Variants in LRP1 observed in about 807,000 individuals in gnomAD.
LRP1 encodes the protein prolow-density lipoprotein receptor-related protein 1.
A neutral mutation model predicts 541.5 loss-of-function variants in LRP1; 51 were observed. The ratio of observed to expected loss-of-function variants is 0.09; its 90% CI spans 0.08 to 0.12. LRP1 has a LOEUF of 0.12. Ranked by LOEUF, LRP1 falls within the 10% of genes least tolerant of loss-of-function variation. LRP1 has a pLI of 1.00. For missense variants in LRP1, 3,878 were observed against 6,376.2 expected (o/e 0.61, Z 13.34); for synonymous variants, 2,219 against 2,470.8 (o/e 0.90, Z 3.02).
intron 2 of LRP1, among the ~76,000 whole-genome samples, chr12:57,139,767 C>T (rs1197350136): frequency 1.3e-5 from 2 of 152,200 alleles, no homozygotes; most frequent in East Asian, 3.9e-4. Flanking sequence ...CAGAAACACA[C>T]TCTATACTCA....
At chr12:57,144,722 C>T (rs1407715055) in intron 4 of LRP1, 4 of 528,478 alleles carry the variant, frequency 7.6e-6, no homozygotes, top group Admixed American at 3.2e-5. Flanking sequence ...TGGCACCTGA[C>T]CCATAGTAGG....
chr12:57,175,856 G>T, intron 23 of LRP1, 53 bp from the exon 24 acceptor site: 2 of 1,598,538 alleles, frequency 1.3e-6, no homozygotes, highest in South Asian at 1.1e-5. Context: ...CAGGACGGGT[G>T]GCACACAGGC....
Position 57,143,775 on chromosome 12 carries a change from AGGCAGATGG to A in LRP1, c.426_434del (p.Gln142_Gly145delinsHis). 1 of 1,614,054 alleles carries A rather than the reference AGGCAGATGG, an allele frequency of 6.2e-7. No homozygotes were observed. The highest frequency in any genetic ancestry group is 8.5e-7 in the Non-Finnish European group (1 of 1,179,926). On this transcript the variant is annotated inframe_deletion, in exon 4 of 89. Transcript: ENST00000243077. The stretch of plus-strand genomic sequence containing the variant: ...TACTGCAACAGCAGCTTTCAGCTTC[AGGCAGATGG>A]CAAGACCTGCAAAGGTATGTGAGTG...
In LRP1 at chr12:57,161,085, G is replaced by C. The variant is rs776447046; in HGVS notation, c.2172G>C (p.Glu724Asp). 2 of 1,613,640 alleles carry C rather than the reference G, an allele frequency of 1.2e-6. No individual in the cohort carries two copies. The change falls in exon 13 of 89, where the codon GAG becomes GAC. Residue 724 changes from glutamate to aspartate, a missense_variant. Glu to Asp is a conservative substitution (Grantham distance 45, BLOSUM62 2). Transcript: ENST00000243077. ...TGGATGCCTTCTACGACCGCATCGA[G>C]ACGATACTGCTCAATGGCACAGACC... ...YWVDAFYDRI[E>D]TILLNGTDRK...
In LRP1 at chr12:57,191,395, G is replaced by A; in HGVS notation, c.7312G>A (p.Val2438Met). The A allele has an allele frequency of 6.2e-7, 1 of 1,613,414 alleles. No homozygotes were observed. The highest frequency in any genetic ancestry group is 1.7e-5 in the Admixed American group (1 of 59,976). Reference sequence around the variant, plus strand: ...GGAGCACATTTTCTGGACTGACTGGGTGCGGCGGGCAGTGCAGCGGGCCAA... The same window carrying A: ...GGAGCACATTTTCTGGACTGACTGGATGCGGCGGGCAGTGCAGCGGGCCAA... The part of the protein sequence containing the change: ...YGEHIFWTDW[V>M]RRAVQRANKH... The change falls in exon 44 of 89, where the codon GTG becomes ATG. Residue 2438 changes from valine to methionine, a missense_variant. By Grantham distance (21) the Val-to-Met change is conservative. Transcript: ENST00000243077.
chr12:57,202,551 C>A lies in LRP1; in HGVS notation c.10711+14C>A. On this transcript the variant is annotated intron_variant, in intron 68 of 88. Coordinates refer to ENST00000243077, the MANE Select transcript of LRP1 (RefSeq NM_002332.3). ...AAGAGAGCTGCAGTACGTCCCCACCCACCCAGCCCCGCATGAGCCCCTCCC... is the reference window on the plus strand; with the variant it reads ...AAGAGAGCTGCAGTACGTCCCCACCAACCCAGCCCCGCATGAGCCCCTCCC... The A allele has an allele frequency of 5.2e-6, 8 of 1,532,436 alleles. No individual in the cohort carries two copies. The highest frequency in any genetic ancestry group is 1.9e-4 in the Middle Eastern group (1 of 5,190). 94.9% of individuals were successfully genotyped at this position (1,532,436 alleles called of 1,614,324 possible).
Position 57,198,308 on chromosome 12 carries a change from T to G in LRP1, c.9435T>G (p.Arg3145=), listed in dbSNP as rs1197080397. The G allele has an allele frequency of 1.2e-6, 2 of 1,613,822 alleles. No individual in the cohort carries two copies. Among genetic ancestry groups the G allele is most frequent in the Admixed American group, 3.3e-5 (2 of 59,996 alleles). ...CGGTGCTGGTCAGCTCTGGCCTCCG[T>G]GAGCCCAGGGCTCTGGTGGTGGATG... The part of the protein sequence containing the change: ...YRTVLVSSGL[R]EPRALVVDVQ... Residue 3145 remains arginine, a synonymous_variant, in exon 59 of 89, where the codon CGT becomes CGG. Transcript: ENST00000243077.
chr12:57,184,914 G>A lies in LRP1; in HGVS notation c.6262G>A (p.Glu2088Lys), dbSNP rs1555185514. The A allele has an allele frequency of 5.0e-6, 8 of 1,614,106 alleles. No individual in the cohort carries two copies. Among genetic ancestry groups the A allele is most frequent in the Non-Finnish European group, 6.8e-6 (8 of 1,179,954 alleles). Residue 2088 changes from glutamate (E) to lysine (K), a missense_variant, in exon 39 of 89, where the codon GAG (glutamate) becomes AAG (lysine). Around this residue, in one of 13 missense-constraint regions of LRP1, gnomAD observed 1,100 missense variants for 1,827.4 expected, o/e 0.60. Transcript: ENST00000243077. The surrounding 1 kb of genome is among the most constrained non-coding windows in gnomAD (Gnocchi z 7.8). ...RIDLETGENR[E>K]VVLSSNNMDM... ...CGACCTGGAGACAGGTGAGAACCGC[G>A]AGGTGGTTCTGTCCAGCAACAACAT...
At position 57,209,809 on chromosome 12, in the gene LRP1, C is replaced by T. The variant is rs753301095; in HGVS notation, c.12380C>T (p.Thr4127Ile). The change falls in exon 80 of 89, where the codon ACA becomes ATA. Residue 4127 changes from threonine (T) to isoleucine (I), a missense_variant. Transcript: ENST00000243077. ...KFGHSPLVNL[T>I]GGLSHASDVV... ...GGCCACAGCCCCTTGGTCAACCTGA[C>T]AGGGGGCCTGAGCCACGCCTCTGAC... The T allele has an allele frequency of 4.3e-6, 7 of 1,614,124 alleles. No homozygotes were observed. Among genetic ancestry groups the T allele is most frequent in the Non-Finnish European group, 5.9e-6 (7 of 1,180,048 alleles).
intron 77 of LRP1, chr12:57,208,449 G>C: frequency 1.7e-6 from 1 of 600,500 alleles, no homozygotes; most frequent in East Asian, 2.8e-5. Flanking sequence ...TGCTTGGCCG[G>C]CTGTCATGCA....
chr12:57,178,087 T>A lies in LRP1; in HGVS notation c.4362-272T>A, dbSNP rs1478521978. ...CTTTTTCTGACTTTCATCAAAGCCC[T>A]GAGTGCTGACAGCAGCCCTGGGGAG... On this transcript the variant is annotated intron_variant, in intron 26 of 88. Coordinates refer to ENST00000243077, the MANE Select transcript of LRP1 (RefSeq NM_002332.3). The surrounding 1 kb of genome is among the most constrained non-coding windows in gnomAD (Gnocchi z 5.8). 6.6e-6 allele frequency among the ~76,000 whole-genome samples: 1 copy of A among 151,998 alleles called. No individual in the cohort carries two copies. Among genetic ancestry groups the A allele is most frequent in the African/African-American group, 2.4e-5 (1 of 41,374 alleles).
intron 1 of LRP1, among the ~76,000 whole-genome samples, chr12:57,137,269 G>A (rs1033296294): frequency 1.3e-5 from 2 of 149,924 alleles, no homozygotes; most frequent in Admixed American, 6.6e-5. Context: ...AACAGAGTTA[G>A]TTGTCACCAT....
At chr12:57,150,318 A>G (rs1239935331) in intron 6 of LRP1, among the ~76,000 whole-genome samples, 1 of 150,052 alleles carries the variant, frequency 6.7e-6, no homozygotes, top group East Asian at 2.0e-4. Context: ...CAGGCTCCCG[A>G]GTAGCTAGGA....
Position 57,181,274 on chromosome 12 carries a change from G to A in LRP1, c.5645G>A (p.Gly1882Asp). Reference protein sequence around the residue: ...MCTAGYSLRSGQQACEGVGSF... With the variant: ...MCTAGYSLRSDQQACEGVGSF... The stretch of plus-strand genomic sequence containing the variant: ...ACAGCCGGCTATAGCCTCCGGAGTG[G>A]CCAGCAGGCCTGCGAGGGTCAGTGC... Residue 1882 changes from glycine (G) to aspartate (D), a missense_variant, in exon 34 of 89, where the codon GGC (glycine) becomes GAC (aspartate). By Grantham distance (94) the Gly-to-Asp change is moderately conservative. Coordinates refer to ENST00000243077, the MANE Select transcript of LRP1 (RefSeq NM_002332.3). 1.2e-6 allele frequency: 2 copies of A among 1,612,764 alleles called. No homozygotes were observed. Among genetic ancestry groups the A allele is most frequent in the Non-Finnish European group, 1.7e-6 (2 of 1,179,806 alleles).
chr12:57,199,254 T>C lies in LRP1; in HGVS notation c.9719T>C (p.Phe3240Ser). ...CCGCACATCTTTGCACTGACCCTGTTTGAGGACTACGTCTACTGGACCGAC... is the reference window on the plus strand; with the variant it reads ...CCGCACATCTTTGCACTGACCCTGTCTGAGGACTACGTCTACTGGACCGAC... ...DIPHIFALTLFEDYVYWTDWE... is the reference protein window; with the variant it reads ...DIPHIFALTLSEDYVYWTDWE... Residue 3240 changes from phenylalanine (F) to serine (S), a missense_variant, in exon 61 of 89, where the codon TTT (phenylalanine) becomes TCT (serine). By Grantham distance (155) the Phe-to-Ser change is radical (BLOSUM62 -2). Transcript: ENST00000243077. 1 of 1,613,956 alleles carries C rather than the reference T, an allele frequency of 6.2e-7. No homozygotes were observed.
chr12:57,159,997 A>C lies in LRP1; in HGVS notation c.1971A>C (p.Pro657=), dbSNP rs1207104011. 1 of 1,613,952 alleles carries C rather than the reference A, an allele frequency of 6.2e-7. No individual in the cohort carries two copies. The highest frequency in any genetic ancestry group is 8.5e-7 in the Non-Finnish European group (1 of 1,179,950). Residue 657 remains proline, a synonymous_variant, in exon 12 of 89, where the codon CCA becomes CCC. Transcript: ENST00000243077. The part of the protein sequence containing the change: ...MTHPRAIVVD[P]LNGWMYWTDW... ...ACCCCAGGGCTATTGTGGTGGATCC[A>C]CTCAATGGGTGAGTCCTCCCAGGCC...
rs781246772 is a variant in LRP1 at position 57,203,418 on chromosome 12, C to T, written c.10848C>T (p.Asp3616=). Residue 3616 remains aspartate (D), a synonymous_variant, in exon 70 of 89, where the codon GAC becomes GAT. Coordinates refer to ENST00000243077, the MANE Select transcript of LRP1 (RefSeq NM_002332.3). ...ACTGCACCCCCCGCTGTGACATGGA[C>T]CAGTTCCAGTGCAAGAGCGGCCACT... ...EKDCTPRCDM[D]QFQCKSGHCI... 1.2e-6 allele frequency: 2 copies of T among 1,609,956 alleles called. No homozygotes were observed. Among genetic ancestry groups the T allele is most frequent in the South Asian group, 2.2e-5 (2 of 90,538 alleles).
chr12:57,145,313 A>G lies in LRP1; in HGVS notation c.664A>G (p.Ile222Val). Residue 222 changes from isoleucine to valine, a missense_variant, in exon 6 of 89, where the codon ATC (isoleucine) becomes GTC (valine). By Grantham distance (29) the Ile-to-Val change is conservative (BLOSUM62 3). This residue lies in a region of LRP1 where 293 missense variants were observed against 403.7 expected (regional missense o/e 0.73). Coordinates refer to ENST00000243077, the MANE Select transcript of LRP1 (RefSeq NM_002332.3). The part of the protein sequence containing the change: ...TYLSGAQVST[I>V]TPTSTRQTTA... ...CCTGAGTGGGGCCCAGGTGTCTACC[A>G]TCACACCTACGAGCACGCGGCAGAC... is the stretch of plus-strand genomic sequence containing the variant. The G allele has an allele frequency of 2.5e-6, 4 of 1,614,130 alleles. No individual in the cohort carries two copies. Among genetic ancestry groups the G allele is most frequent in the Non-Finnish European group, 3.4e-6 (4 of 1,180,008 alleles).
In LRP1 at chr12:57,208,067, C is replaced by T. The variant is rs751160605; in HGVS notation, c.11889C>T (p.Ile3963=). ...NISGLKMPRG[I]AIDWVAGNVY... Reference sequence around the variant, plus strand: ...CAGGGCTGAAGATGCCCAGAGGCATCGCCATCGACTGGGTGGCCGGAAACG... The same window carrying T: ...CAGGGCTGAAGATGCCCAGAGGCATTGCCATCGACTGGGTGGCCGGAAACG... The change falls in exon 77 of 89, where the codon ATC becomes ATT. Residue 3963 remains isoleucine (I), a synonymous_variant. Transcript: ENST00000243077. 8 of 1,613,982 alleles carry T rather than the reference C, an allele frequency of 5.0e-6. No homozygotes were observed. The highest frequency in any genetic ancestry group is 1.7e-5 in the Admixed American group (1 of 60,006).
Sources: gnomAD v4.1 joint callset for allele counts (sites outside exome capture counted in the v4.1 genomes callset) on GRCh38, gnomAD v4.1.1 for gene constraint, gnomAD v4.1.1 regional missense constraint, Gnocchi (gnomAD v3.1) non-coding constraint, MANE v1.5 for transcripts, NCBI Gene and HGNC (gene_info 2026-07-23, HGNC 2026-07-21) for gene names.